SPATA1: variants seen among roughly 807,000 people sequenced by gnomAD.
SPATA1 encodes spermatogenesis associated 1, also known as spermatogenesis-associated protein 1.
A neutral mutation model predicts 59.6 loss-of-function variants in SPATA1; 57 were observed. The observed-to-expected ratio is 0.96, with a 90% CI of 0.77 to 1.19. SPATA1 has a LOEUF of 1.19. SPATA1 is among the 50% of genes most tolerant of loss of function. The probability of loss-of-function intolerance (pLI) is 0.00; values close to 1 mark genes in which losing one functional copy is unlikely to be tolerated. For missense variants in SPATA1, 448 were observed against 480.7 expected (o/e 0.93, Z 0.64); for synonymous variants, 147 against 163.9 (o/e 0.90, Z 0.79).
At chr1:84,521,131 AAG>A in intron 3 of SPATA1, among the ~76,000 whole-genome samples, 1 of 149,968 alleles carries the variant, frequency 6.7e-6, no homozygotes. Flanking sequence ...GAGAGAGAGA[AAG>A]AGGGAAAAAG....
downstream of SPATA1, among the ~76,000 whole-genome samples, chr1:84,556,739 A>C (rs1684443850): frequency 6.6e-6 from 1 of 150,962 alleles, no homozygotes; most frequent in African/African-American, 2.4e-5. Flanking sequence ...GACCACTTTG[A>C]AGGAAAATAA....
At chr1:84,548,672 G>T in intron 10 of SPATA1, 114 bp from the exon 11 acceptor site, 1 of 1,222,678 alleles carries the variant, frequency 8.2e-7, no homozygotes, top group South Asian at 2.7e-5. Flanking sequence ...AGAGGAAAAT[G>T]GTTTAAATTG....
intron 12 of SPATA1, chr1:84,552,032 A>AAG (rs1473390671): frequency 6.6e-6 from 1 of 152,190 alleles, no homozygotes; most frequent in African/African-American, 2.4e-5. Context: ...AGAGGAAAAA[A>AAG]AGAGAACAAA....
chr1:84,550,239 G>A, intron 11 of SPATA1, 193 bp from the exon 12 acceptor site: 1 of 356,458 alleles, frequency 2.8e-6, no homozygotes, highest in East Asian at 4.2e-5. Flanking sequence ...TAGAGAAAGT[G>A]TTCCCTAAAA....
intron 2 of SPATA1, among the ~76,000 whole-genome samples, chr1:84,517,140 A>T (rs1201831852): frequency 6.6e-6 from 1 of 152,180 alleles, no homozygotes; most frequent in African/African-American, 2.4e-5. Context: ...TGTGCACAAC[A>T]GTTGACACCA....
intron 4 of SPATA1, chr1:84,563,658 A>T: frequency 3.4e-6 from 3 of 884,684 alleles, no homozygotes; most frequent in Middle Eastern, 3.6e-4. Context: ...TAAAGTTTAT[A>T]TATTTCTAAT....
chr1:84,525,620 C>T (rs1478844450), intron 4 of SPATA1, 76 bp from the exon 5 acceptor site: 4 of 1,298,470 alleles, frequency 3.1e-6, no homozygotes, highest in Non-Finnish European at 4.2e-6. Flanking sequence ...ATGCCTTCTG[C>T]AAAAAAAGTA....
chr1:84,566,102 T>C (rs1262731441), exon 5 of SPATA1: 1 of 724,978 alleles, frequency 1.4e-6, no homozygotes, highest in African/African-American at 1.9e-5. Flanking sequence ...TTTTACCTTA[T>C]ACTACACAAG....
chr1:84,520,554 T>C (rs755095263), intron 2 of SPATA1, 31 bp from the exon 3 acceptor site: 2 of 1,310,278 alleles, frequency 1.5e-6, no homozygotes, highest in East Asian at 5.3e-5. Context: ...TTTAAAAATA[T>C]TTTAACCGAT....
exon 7 of SPATA1, chr1:84,532,938 A>G: frequency 6.4e-7 from 1 of 1,552,112 alleles, no homozygotes. Context: ...GGATCATTGG[A>G]AGATTCAAAT....
exon 9 of SPATA1, chr1:84,544,202 A>G: frequency 1.3e-6 from 2 of 1,583,368 alleles, no homozygotes; most frequent in Non-Finnish European, 8.6e-7. Flanking sequence ...TTGCTTACAG[A>G]CAGCTGAAAA....
chr1:84,520,965 G>C (rs1003682439), intron 3 of SPATA1, among the ~76,000 whole-genome samples: 2 of 152,020 alleles, frequency 1.3e-5, no homozygotes, highest in Non-Finnish European at 1.5e-5. Flanking sequence ...TGAATTAAGA[G>C]AGAAGTTATC....
intron 3 of SPATA1, 64 bp from the exon 4 acceptor site, chr1:84,522,326 G>T (rs1173827549): frequency 2.5e-5 from 22 of 887,756 alleles, no homozygotes; most frequent in Non-Finnish European, 2.4e-5. Context: ...TAAAGTTATT[G>T]AATCATTAGT....
intron 6 of SPATA1, among the ~76,000 whole-genome samples, chr1:84,531,012 G>A (rs1285412650): frequency 6.6e-6 from 1 of 152,168 alleles, no homozygotes; most frequent in African/African-American, 2.4e-5. Flanking sequence ...ATTTGTTGGA[G>A]TTCTCAAAAC....
At chr1:84,531,568 GT>G (rs1467155724) in intron 6 of SPATA1, among the ~76,000 whole-genome samples, 69 of 136,060 alleles carry the variant, frequency 5.1e-4, no homozygotes, top group Non-Finnish European at 8.5e-4. Context: ...AGTTTGGCAA[GT>G]CTTTTTTTTT....
At chr1:84,522,261 T>C in intron 3 of SPATA1, 129 bp from the exon 4 acceptor site, 1 of 446,396 alleles carries the variant, frequency 2.2e-6, no homozygotes, top group Non-Finnish European at 3.9e-6. Flanking sequence ...GGAAACATAA[T>C]ATGTTAAGCT....
Position 84,522,911 on chromosome 1 carries a change from CTT to C in SPATA1, c.261+418_261+419del, listed in dbSNP as rs370552721. 3.1e-3 allele frequency among the ~76,000 whole-genome samples: 440 copies of C among 143,532 alleles called. 1 individual carries two copies. Among genetic ancestry groups the C allele is most frequent in the African/African-American group, 6.3e-3 (249 of 39,236 alleles). The allele number at this position is 143,532 out of a possible 152,430, so 94.2% of individuals were successfully genotyped here. A position where few individuals can be genotyped will look rare whatever the true frequency, so the allele number is the denominator to read the frequency against. ...CTCCAACATATTTTTTTGGTGTCAA[CTT>C]TTTTTTTTTTTTTCCGAGACGGAGT... On this transcript the variant is annotated intron_variant, in intron 4 of 12. Coordinates refer to ENST00000490879, the Ensembl canonical transcript of SPATA1.
At chr1:84,540,145 G>A (rs1308521460) in intron 8 of SPATA1, among the ~76,000 whole-genome samples, 1 of 152,040 alleles carries the variant, frequency 6.6e-6, no homozygotes, top group Non-Finnish European at 1.5e-5. Flanking sequence ...ACAGCCTAGA[G>A]CTGGGTTTTG....
rs148896927 is a variant in SPATA1 at position 84,512,238 on chromosome 1, C to G, written c.-137-3985C>G. 2.2e-3 allele frequency among the ~76,000 whole-genome samples: 332 copies of G among 152,322 alleles called. 3 individuals are homozygous for G. Among genetic ancestry groups the G allele is most frequent in the African/African-American group, 7.7e-3 (320 of 41,570 alleles). ...TATTCCAGAATGTAAATTTCCCTTT[C>G]ACTTGTTGCATTCCTTGAGCAATCA... is the stretch of plus-strand genomic sequence containing the variant. On this transcript the variant is annotated intron_variant, in intron 1 of 12. Coordinates refer to ENST00000490879, the Ensembl canonical transcript of SPATA1.
Sources: allele counts gnomAD v4.1 joint callset (sites outside exome capture counted in the v4.1 genomes callset), GRCh38; gene constraint gnomAD v4.1.1; transcripts MANE v1.5; gene names NCBI Gene and HGNC (gene_info 2026-07-23, HGNC 2026-07-21).